Variants in LRP6 observed in about 807,000 individuals in gnomAD.
LRP6 encodes the protein LDL receptor related protein 6.
LRP6 carries 43 observed loss-of-function variants against 184.1 expected under a neutral mutation model. That is an observed-to-expected ratio of 0.23 (90% confidence interval 0.18 to 0.30). The LOEUF (loss-of-function observed/expected upper bound fraction) is 0.30, where lower values mean the gene tolerates loss of function less well. Among genes scored for constraint, LRP6 ranks in the 10% least tolerant of loss-of-function variants. The pLI, the probability that LRP6 is intolerant of heterozygous loss-of-function variation, is 1.00. For synonymous variants in LRP6, 719 were observed against 684.9 expected, an observed-to-expected ratio of 1.05 and a Z score of -0.78; for missense variants, 1,571 against 2,005.3, an observed-to-expected ratio of 0.78 and a Z score of 4.14.
Position 12,146,850 on chromosome 12 carries a change from G to A in LRP6, c.3397+516C>T, listed in dbSNP as rs141595379. ...TAGAGCAGAAGAGTTAGGAAAGGAT[G>A]CATTAGAAATGTATTATTTACGCCG... On this transcript the variant is annotated intron_variant, in intron 15 of 22. Transcript: ENST00000261349. 3.0e-3 allele frequency among the ~76,000 whole-genome samples: 462 copies of A among 152,296 alleles called. 3 individuals carry two copies. Among genetic ancestry groups the A allele is most frequent in the African/African-American group, 9.7e-3 (405 of 41,574 alleles).
rs374281292 is a variant in LRP6 at position 12,258,794 on chromosome 12, A to G, written c.55+7887T>C. On this transcript the variant is annotated intron_variant, in intron 1 of 22. Transcript: ENST00000261349. Reference sequence around the variant, plus strand: ...AGTACTTAAATTATACGTACCAATAAAGCTAATCATTAGTGAGGAAGACTC... The same window carrying G: ...AGTACTTAAATTATACGTACCAATAGAGCTAATCATTAGTGAGGAAGACTC... 6.6e-5 allele frequency among the ~76,000 whole-genome samples: 10 copies of G among 152,174 alleles called. No homozygotes were observed. In the East Asian group the frequency reaches 1.7e-3, roughly 26 times the overall value.
Position 12,121,045 on chromosome 12 carries a change from C to A in LRP6, c.*81G>T, listed in dbSNP as rs549021381. 4.2e-5 allele frequency: 54 copies of A among 1,294,966 alleles called. No individual in the cohort carries two copies. The African/African-American group carries it at 7.9e-4, about 19-fold the overall frequency. 80.2% of individuals were successfully genotyped at this position (1,294,966 alleles called of 1,614,324 possible). A position where few individuals can be genotyped will look rare whatever the true frequency, so the allele number is the denominator to read the frequency against. On this transcript the variant is annotated 3_prime_UTR_variant, in exon 23 of 23. Coordinates refer to ENST00000261349, the MANE Select transcript of LRP6 (RefSeq NM_002336.3). ...GGTCTGCCTCATCCTTCTCTAATAG[C>A]TCCCTCCCCCCCTCCAGATCTCAAC...
rs1002274501 is a variant in LRP6 at position 12,135,162 on chromosome 12, A to G, written c.3733+13T>C. 6.2e-7 allele frequency: 1 copy of G among 1,613,862 alleles called. No homozygotes were observed. The highest frequency in any genetic ancestry group is 8.5e-7 in the Non-Finnish European group (1 of 1,179,806). On this transcript the variant is annotated intron_variant, in intron 17 of 22. Transcript: ENST00000261349. ...GCATTTAGGGTTGCACAAGAAAATT[A>G]CAACATATTTACCTCCACATGATAG... is the stretch of plus-strand genomic sequence containing the variant.
At chr12:12,164,167 C>T (rs1010962055) in intron 9 of LRP6, 106 bp downstream of exon 9, 1 of 987,596 alleles carries the variant, frequency 1.0e-6, no homozygotes, top group Admixed American at 2.1e-5. Flanking sequence ...TTGTTGAACT[C>T]TGCCTGTCAA....
At chr12:12,219,626 C>T (rs1213409586) in intron 2 of LRP6, among the ~76,000 whole-genome samples, 1 of 152,228 alleles carries the variant, frequency 6.6e-6, no homozygotes, top group Non-Finnish European at 1.5e-5. Context: ...TAACCATTCC[C>T]TTTCATTCAC....
rs529286008 is a variant in LRP6, at chr12:12,126,244, G to C, written c.4312+447C>G. On this transcript the variant is annotated intron_variant, in intron 20 of 22. Transcript: ENST00000261349. The stretch of plus-strand genomic sequence containing the variant: ...CACATGAAGTCAGGAGAAAACTTAA[G>C]ACATATTCTCCCTTCTATCATCCAG... Among the ~76,000 whole-genome samples the C allele has an allele frequency of 2.0e-5, 3 of 152,300 alleles. No individual in the cohort carries two copies. In the East Asian group the frequency reaches 5.8e-4, roughly 29 times the overall value.
chr12:12,180,804 A>G (rs1190866626), intron 6 of LRP6, among the ~76,000 whole-genome samples: 1 of 152,232 alleles, frequency 6.6e-6, no homozygotes. Context: ...GACAACACCC[A>G]AAGTCAGCAA....
chr12:12,186,879 C>T (rs373432728), intron 4 of LRP6, 44 bp downstream of exon 4: 66 of 1,535,456 alleles, frequency 4.3e-5, no homozygotes, highest in African/African-American at 4.1e-5. Flanking sequence ...TAGAGTGCTA[C>T]AAAGCTGTTC....
At chr12:12,209,449 G>C (rs978050335) in intron 2 of LRP6, among the ~76,000 whole-genome samples, 4 of 152,112 alleles carry the variant, frequency 2.6e-5, no homozygotes, top group African/African-American at 9.7e-5. Context: ...ATAAGACCCA[G>C]ATAAAGATTC....
intron 1 of LRP6, among the ~76,000 whole-genome samples, chr12:12,264,081 C>G (rs1865696559): frequency 6.6e-6 from 1 of 151,410 alleles, no homozygotes. Flanking sequence ...TTTGAGACTG[C>G]AATGAGCTGT....
At chr12:12,148,561 G>A (rs879341203) in intron 14 of LRP6, among the ~76,000 whole-genome samples, 3 of 152,110 alleles carry the variant, frequency 2.0e-5, no homozygotes, top group Non-Finnish European at 2.9e-5. Context: ...TAAAAGTAAC[G>A]TAAATTGGAA....
At chr12:12,126,239 C>G (rs1949669635) in intron 20 of LRP6, among the ~76,000 whole-genome samples, 1 of 152,206 alleles carries the variant, frequency 6.6e-6, no homozygotes, top group Non-Finnish European at 1.5e-5. Flanking sequence ...CAGGAGAAAA[C>G]TTAAGACATA....
chr12:12,229,159 T>C (rs1160184084), intron 2 of LRP6, among the ~76,000 whole-genome samples: 3 of 151,950 alleles, frequency 2.0e-5, no homozygotes, highest in African/African-American at 4.8e-5. Context: ...TCACCTGAGG[T>C]TGGGAGTTCG....
chr12:12,168,298 A>G (rs1053673396), intron 7 of LRP6, among the ~76,000 whole-genome samples: 4 of 152,240 alleles, frequency 2.6e-5, no homozygotes, highest in African/African-American at 7.2e-5. Flanking sequence ...CTCTGTAAGT[A>G]ATCAGGAAAA....
rs778483114 is a variant in LRP6, at chr12:12,181,156, T to C, written c.1260A>G (p.Thr420=). ...VDWVARNLYW[T]DTGTDRIEVT... ...CTTCTATTCGATCAGTGCCAGTGTC[T>C]GTCCAATAAAGATTTCGTGCAACCC... Residue 420 remains threonine, a synonymous_variant, in exon 6 of 23, where the codon ACA becomes ACG. Transcript: ENST00000261349. 6.2e-7 allele frequency: 1 copy of C among 1,614,158 alleles called. No individual in the cohort carries two copies. Among genetic ancestry groups the C allele is most frequent in the Non-Finnish European group, 8.5e-7 (1 of 1,180,006 alleles).
At chr12:12,222,265 A>C (rs1338639313) in intron 2 of LRP6, among the ~76,000 whole-genome samples, 2 of 152,094 alleles carry the variant, frequency 1.3e-5, no homozygotes, top group African/African-American at 4.8e-5. Flanking sequence ...ATAATCCTCT[A>C]TATATAAAGA....
chr12:12,258,393 T>C (rs1448344117), intron 1 of LRP6, among the ~76,000 whole-genome samples: 1 of 152,234 alleles, frequency 6.6e-6, no homozygotes, highest in African/African-American at 2.4e-5. Context: ...TGAGCCACCA[T>C]GACCCAGACT....
chr12:12,230,323 A>AC (rs1864750093), intron 2 of LRP6, among the ~76,000 whole-genome samples: 2 of 152,224 alleles, frequency 1.3e-5, no homozygotes, highest in Non-Finnish European at 2.9e-5. Context: ...AGGTAAGGAT[A>AC]AAACAACAAA....
At chr12:12,145,623 T>TC (rs1258245848) in intron 15 of LRP6, among the ~76,000 whole-genome samples, 1 of 90,426 alleles carries the variant, frequency 1.1e-5, no homozygotes, top group Non-Finnish European at 2.3e-5. Flanking sequence ...TTTTTCTTTT[T>TC]CTTTTTTTTT....
Sources: gnomAD v4.1 joint callset for allele counts (sites outside exome capture counted in the v4.1 genomes callset) on GRCh38, gnomAD v4.1.1 for gene constraint, MANE v1.5 for transcripts, NCBI Gene and HGNC (gene_info 2026-07-23, HGNC 2026-07-21) for gene names.